Variants in SDK1 observed in about 807,000 individuals in gnomAD.
SDK1 encodes the protein sidekick cell adhesion molecule 1.
Under a neutral mutation model 245.5 loss-of-function variants are expected in SDK1, and 157 were observed. The ratio of observed to expected loss-of-function variants is 0.64; its 90% CI spans 0.56 to 0.73. The LOEUF (loss-of-function observed/expected upper bound fraction) is 0.73. Ranked by LOEUF, SDK1 falls within the 30% of genes least tolerant of loss-of-function variation. SDK1 has a pLI of 0.00. For missense variants in SDK1, 3,583 were observed against 3,002.3 expected (o/e 1.19, Z -4.52); for synonymous variants, 1,647 against 1,278.5 (o/e 1.29, Z -6.15).
intron 4 of SDK1, among the ~76,000 whole-genome samples, chr7:3,682,697 CTCAAA>C (rs1784143299): frequency 6.7e-6 from 1 of 150,116 alleles, no homozygotes; most frequent in Admixed American, 6.7e-5. Context: ...AAGGGGGGAT[CTCAAA>C]TCAAGCGTTT....
At chr7:3,623,056 T>C (rs1008652924) in intron 2 of SDK1, among the ~76,000 whole-genome samples, 11 of 152,164 alleles carry the variant, frequency 7.2e-5, no homozygotes, top group African/African-American at 2.7e-4. Flanking sequence ...ATGGATACTT[T>C]ATGAAAAAGG....
intron 1 of SDK1, among the ~76,000 whole-genome samples, chr7:3,575,631 TAAG>T (rs1780263205): frequency 6.6e-6 from 1 of 151,962 alleles, no homozygotes; most frequent in African/African-American, 2.4e-5. Flanking sequence ...GAAATTTCAT[TAAG>T]AACTTCAAAG....
At chr7:3,351,044 T>C (rs1780647305) in intron 1 of SDK1, among the ~76,000 whole-genome samples, 2 of 152,214 alleles carry the variant, frequency 1.3e-5, no homozygotes, top group South Asian at 4.1e-4. Flanking sequence ...TAATATATCT[T>C]AGTTTCACTG....
intron 4 of SDK1, among the ~76,000 whole-genome samples, chr7:3,713,655 A>G (rs1241913785): frequency 6.6e-6 from 1 of 152,230 alleles, no homozygotes; most frequent in African/African-American, 2.4e-5. Flanking sequence ...GTCATCAGAT[A>G]CCTTTCTACA....
chr7:3,528,766 C>T (rs1441747662), intron 1 of SDK1, among the ~76,000 whole-genome samples: 1 of 152,022 alleles, frequency 6.6e-6, no homozygotes, highest in African/African-American at 2.4e-5. Flanking sequence ...GGTGAACCTA[C>T]ATTTTGCCCT....
intron 4 of SDK1, among the ~76,000 whole-genome samples, chr7:3,739,875 G>A (rs181201350): frequency 5.9e-4 from 89 of 152,104 alleles, no homozygotes; most frequent in Admixed American, 4.5e-3. Context: ...ATATAATATG[G>A]CAATTTTGGA....
intron 5 of SDK1, among the ~76,000 whole-genome samples, chr7:3,883,161 G>C (rs573212349): frequency 6.6e-6 from 1 of 152,250 alleles, no homozygotes; most frequent in Non-Finnish European, 1.5e-5. Context: ...GAGATTCACG[G>C]GGTGGCCAGT....
intron 1 of SDK1, among the ~76,000 whole-genome samples, chr7:3,357,691 C>T (rs12534906): frequency 0.24 from 36,602 of 151,850 alleles, 4,776 homozygotes; most frequent in East Asian, 0.38. Context: ...TCTCCTTTTT[C>T]CCCTGTCTAG....
At chr7:4,167,436 C>T (rs1319552012) in intron 32 of SDK1, among the ~76,000 whole-genome samples, 8 of 151,854 alleles carry the variant, frequency 5.3e-5, no homozygotes, top group Non-Finnish European at 1.0e-4. Context: ...AACAAAAAAA[C>T]GGGCTTTTGA....
At chr7:4,124,625 A>C (rs541770934) in intron 25 of SDK1, among the ~76,000 whole-genome samples, 1 of 152,216 alleles carries the variant, frequency 6.6e-6, no homozygotes, top group Middle Eastern at 3.2e-3. Flanking sequence ...GGATAACAAA[A>C]TAAGGATTCA....
At chr7:3,536,047 G>C (rs1193604961) in intron 1 of SDK1, among the ~76,000 whole-genome samples, 2 of 148,406 alleles carry the variant, frequency 1.3e-5, no homozygotes, top group Non-Finnish European at 3.0e-5. Flanking sequence ...TGTTTGACTT[G>C]TGCTGGCAGA....
chr7:4,243,418 A>G (rs887056759), intron 43 of SDK1, among the ~76,000 whole-genome samples: 1 of 152,172 alleles, frequency 6.6e-6, no homozygotes, highest in Non-Finnish European at 1.5e-5. Context: ...CCCTGTATTC[A>G]TCTGTCCTCA....
At chr7:4,013,776 G>C (rs1786168226) in intron 16 of SDK1, among the ~76,000 whole-genome samples, 1 of 152,170 alleles carries the variant, frequency 6.6e-6, no homozygotes, top group Non-Finnish European at 1.5e-5. Context: ...CCATCCCCAG[G>C]GGTACACAAA....
Position 4,158,453 on chromosome 7 carries a change from G to T in SDK1, c.4631G>T (p.Arg1544Met). 6.2e-7 allele frequency: 1 copy of T among 1,612,916 alleles called. No individual in the cohort carries two copies. The change falls in exon 31 of 45, where the codon AGG becomes ATG. Residue 1544 changes from arginine to methionine, a missense_variant. Coordinates refer to ENST00000404826, the MANE Select transcript of SDK1 (RefSeq NM_152744.4). The stretch of plus-strand genomic sequence containing the variant: ...CGGTCTCTTCCACATTGCAGACTGA[G>T]GCCCTTCACCTCCTACAAGCTGCGC... ...EATACVVDRL[R>M]PFTSYKLRLK...
intron 7 of SDK1, 93 bp from the exon 8 acceptor site, chr7:3,958,838 G>C (rs1583637560): frequency 1.0e-6 from 1 of 995,200 alleles, no homozygotes; most frequent in East Asian, 2.4e-5. Flanking sequence ...TTCAAGAATG[G>C]TTTTTAAGAG....
chr7:3,880,997 CAAAAG>C (rs1186104692), intron 5 of SDK1, among the ~76,000 whole-genome samples: 2 of 151,904 alleles, frequency 1.3e-5, no homozygotes, highest in Non-Finnish European at 2.9e-5. Flanking sequence ...CCCTTGAGAA[CAAAAG>C]AAAAGAGAGA....
In SDK1 at chr7:4,265,661, G is replaced by C; in HGVS notation, c.*277G>C. On this transcript the variant is annotated 3_prime_UTR_variant, in exon 45 of 45. Transcript: ENST00000404826. ...ACTGGTGCAATGGCTTGGCACCTCC[G>C]GGGCCTGGGAGGACCTCAGACCTCC... 1 of 1,226,914 alleles carries C rather than the reference G, an allele frequency of 8.2e-7. No individual in the cohort carries two copies. The highest frequency in any genetic ancestry group is 1.0e-6 in the Non-Finnish European group (1 of 986,980). The allele number at this position is 1,226,914 out of a possible 1,614,324, so 76.0% of individuals were successfully genotyped here. A position where few individuals can be genotyped will look rare whatever the true frequency, so the allele number is the denominator to read the frequency against.
At chr7:4,220,347 C>G (rs775299811) in intron 39 of SDK1, 77 bp downstream of exon 39, 38 of 1,481,366 alleles carry the variant, frequency 2.6e-5, no homozygotes, top group Non-Finnish European at 2.8e-5. Context: ...AGCTGAGATC[C>G]ATCTACATGG....
At chr7:3,878,851 A>C (rs1460898807) in intron 5 of SDK1, among the ~76,000 whole-genome samples, 3 of 152,170 alleles carry the variant, frequency 2.0e-5, no homozygotes, top group African/African-American at 7.2e-5. Context: ...CTTTTATTGG[A>C]AGTCTAACAT....
Sources: gnomAD v4.1 joint callset for allele counts (sites outside exome capture counted in the v4.1 genomes callset) on GRCh38, gnomAD v4.1.1 for gene constraint, MANE v1.5 for transcripts, NCBI Gene and HGNC (gene_info 2026-07-23, HGNC 2026-07-21) for gene names.